Variants in FSTL4 observed in about 807,000 individuals in gnomAD.
The protein encoded by FSTL4 is follistatin-related protein 4.
In FSTL4, 28 loss-of-function variants were observed where a neutral mutation model predicts 78.2. The ratio of observed to expected loss-of-function variants is 0.36; its 90% CI spans 0.27 to 0.49. The LOEUF (loss-of-function observed/expected upper bound fraction) is 0.49. FSTL4 is among the 20% of genes least tolerant of loss of function. The pLI, the probability that FSTL4 is intolerant of heterozygous loss-of-function variation, is 0.98. For missense variants in FSTL4, 922 were observed against 1,084.9 expected (o/e 0.85, Z 2.11); for synonymous variants, 422 against 440.5 (o/e 0.96, Z 0.53).
At chr5:133,613,163 C>T (rs752883257), upstream of FSTL4, among the ~76,000 whole-genome samples, 2 of 152,246 alleles carry the variant, frequency 1.3e-5, no homozygotes, top group African/African-American at 2.4e-5. Flanking sequence ...CATCCCCAAG[C>T]CTGGGGCTCC....
the FSTL4 span, among the ~76,000 whole-genome samples, chr5:133,642,511 A>G: frequency 6.6e-6 from 1 of 152,198 alleles, no homozygotes; most frequent in Non-Finnish European, 1.5e-5. Context: ...GACATCCATG[A>G]TACATGATCC....
chr5:133,560,718 T>C (rs1273053635), intron 3 of FSTL4, among the ~76,000 whole-genome samples: 2 of 151,370 alleles, frequency 1.3e-5, no homozygotes, highest in Admixed American at 1.3e-4. Flanking sequence ...CTTCTGATTG[T>C]AGAAAGAGAG....
chr5:133,760,041 T>C, the FSTL4 span, among the ~76,000 whole-genome samples: 1 of 152,336 alleles, frequency 6.6e-6, no homozygotes, highest in East Asian at 1.9e-4. Flanking sequence ...CCCTGGTTCT[T>C]GCAGACAGTC....
the FSTL4 span, among the ~76,000 whole-genome samples, chr5:133,721,668 T>A: frequency 6.6e-6 from 1 of 152,190 alleles, no homozygotes; most frequent in Non-Finnish European, 1.5e-5. Flanking sequence ...TAGGTTCTCT[T>A]ATATGTGACT....
intron 2 of FSTL4, among the ~76,000 whole-genome samples, chr5:133,570,834 C>T (rs1023688324): frequency 6.6e-6 from 1 of 152,168 alleles, no homozygotes; most frequent in Non-Finnish European, 1.5e-5. Context: ...TGCCACATTT[C>T]CCCTTTGCGA....
At chr5:133,695,583 G>A in the FSTL4 span, among the ~76,000 whole-genome samples, 1 of 152,216 alleles carries the variant, frequency 6.6e-6, no homozygotes, top group Non-Finnish European at 1.5e-5. Flanking sequence ...AACGGGGACA[G>A]CAGCCACAGT....
At chr5:133,331,391 C>T (rs1754343005) in intron 4 of FSTL4, among the ~76,000 whole-genome samples, 1 of 152,104 alleles carries the variant, frequency 6.6e-6, no homozygotes, top group Non-Finnish European at 1.5e-5. Flanking sequence ...GATTCTGGTC[C>T]TCTGATGTGA....
chr5:133,702,081 A>C, the FSTL4 span, among the ~76,000 whole-genome samples: 1 of 152,180 alleles, frequency 6.6e-6, no homozygotes, highest in African/African-American at 2.4e-5. Flanking sequence ...TGGGAAGCAG[A>C]TATCCACATG....
At chr5:133,300,104 T>C (rs1753499695) in intron 6 of FSTL4, among the ~76,000 whole-genome samples, 1 of 152,158 alleles carries the variant, frequency 6.6e-6, no homozygotes, top group Non-Finnish European at 1.5e-5. Flanking sequence ...GGACAGGCAT[T>C]CTGTAAGTGC....
At chr5:133,261,260 C>T in intron 6 of FSTL4, among the ~76,000 whole-genome samples, 1 of 152,262 alleles carries the variant, frequency 6.6e-6, no homozygotes, top group South Asian at 2.1e-4. Flanking sequence ...TTCTGCAGTC[C>T]TCAGAACGCT....
intron 2 of FSTL4, among the ~76,000 whole-genome samples, chr5:133,582,915 T>C (rs256264): frequency 0.22 from 33,630 of 152,146 alleles, 3,855 homozygotes; most frequent in Middle Eastern, 0.33. Context: ...TCACTAGCCA[T>C]GGCCATCCCA....
chr5:133,741,650 G>C, the FSTL4 span, among the ~76,000 whole-genome samples: 6 of 152,146 alleles, frequency 3.9e-5, no homozygotes, highest in Non-Finnish European at 7.4e-5. Context: ...AGAACACAGA[G>C]GCCTCTCTGC....
chr5:133,739,633 A>C, the FSTL4 span, among the ~76,000 whole-genome samples: 2 of 152,218 alleles, frequency 1.3e-5, no homozygotes, highest in African/African-American at 4.8e-5. Context: ...GTCCTCAGGA[A>C]AGGCCTAGGC....
At chr5:133,251,810 C>A (rs1486078663) in intron 6 of FSTL4, among the ~76,000 whole-genome samples, 1 of 152,206 alleles carries the variant, frequency 6.6e-6, no homozygotes, top group Non-Finnish European at 1.5e-5. Context: ...GGCTGCCAGA[C>A]CAAGGTCCAA....
intron 3 of FSTL4, among the ~76,000 whole-genome samples, chr5:133,444,556 G>A (rs192987483): frequency 6.6e-6 from 1 of 152,308 alleles, no homozygotes; most frequent in East Asian, 1.9e-4. Flanking sequence ...AGACCAACGT[G>A]TGCCCCCAGT....
intron 3 of FSTL4, among the ~76,000 whole-genome samples, chr5:133,442,540 CAG>C (rs1039055523): frequency 6.6e-6 from 1 of 151,920 alleles, no homozygotes; most frequent in African/African-American, 2.4e-5. Flanking sequence ...CGTTTTTGAC[CAG>C]AGTCAATAAA....
the FSTL4 span, among the ~76,000 whole-genome samples, chr5:133,826,397 T>G: frequency 7.2e-5 from 11 of 152,108 alleles, no homozygotes; most frequent in Non-Finnish European, 1.5e-4. Flanking sequence ...CAGAAATGAT[T>G]CTCCCACAGT....
intron 4 of FSTL4, among the ~76,000 whole-genome samples, chr5:133,391,694 C>T (rs1755854256): frequency 6.6e-6 from 1 of 152,190 alleles, no homozygotes; most frequent in African/African-American, 2.4e-5. Flanking sequence ...GCTAGGCAAG[C>T]TCCTACCTTA....
chr5:133,260,626 C>T (rs183370357), intron 6 of FSTL4, among the ~76,000 whole-genome samples: 142 of 152,366 alleles, frequency 9.3e-4, no homozygotes, highest in African/African-American at 3.2e-3. Context: ...CCGCCCTCCA[C>T]CTCCTGGTCC....
Sources: gnomAD v4.1 joint callset for allele counts (sites outside exome capture counted in the v4.1 genomes callset) on GRCh38, gnomAD v4.1.1 for gene constraint, MANE v1.5 for transcripts, NCBI Gene and HGNC (gene_info 2026-07-23, HGNC 2026-07-21) for gene names.